TMTC4: variants seen among roughly 807,000 people sequenced by gnomAD.
TMTC4 encodes the protein transmembrane O-mannosyltransferase targeting cadherins 4, also known as protein O-mannosyl-transferase TMTC4.
A neutral mutation model predicts 86.0 loss-of-function variants in TMTC4; 65 were observed. That is an observed-to-expected ratio of 0.76 (90% CI 0.62 to 0.93). The LOEUF (loss-of-function observed/expected upper bound fraction) is 0.93, where lower values mean the gene tolerates loss of function less well. Ranked by LOEUF, TMTC4 falls within the 40% of genes least tolerant of loss-of-function variation. TMTC4 has a pLI of 0.00. For missense variants in TMTC4, 866 were observed against 948.1 expected, an observed-to-expected ratio of 0.91 and a Z score of 1.14; for synonymous variants, 379 against 382.5, an observed-to-expected ratio of 0.99 and a Z score of 0.11.
intron 7 of TMTC4, 45 bp from the exon 8 acceptor site, chr13:100,638,067 G>C (rs764683675): frequency 6.7e-7 from 1 of 1,485,070 alleles, no homozygotes; most frequent in Non-Finnish European, 9.4e-7. Context: ...GAGCTTGGCT[G>C]TGTTAGGCAG....
chr13:100,608,531 C>T (rs1594219407), intron 17 of TMTC4, among the ~76,000 whole-genome samples: 1 of 152,260 alleles, frequency 6.6e-6, no homozygotes, highest in East Asian at 1.9e-4. Context: ...GGTGGGTCGG[C>T]CTGGCTCTAT....
At chr13:100,627,564 C>T (rs1410027669) in intron 12 of TMTC4, among the ~76,000 whole-genome samples, 1 of 152,148 alleles carries the variant, frequency 6.6e-6, no homozygotes. Context: ...TCTTGTCTGT[C>T]TCCCTGTCTC....
At chr13:100,674,707 G>A in intron 1 of TMTC4, 37 bp downstream of exon 1, 1 of 983,420 alleles carries the variant, frequency 1.0e-6, no homozygotes, top group Non-Finnish European at 1.2e-6. Flanking sequence ...TCGCCCCGCG[G>A]CGCGCTCGGC....
chr13:100,634,760 A>G (rs746547537), intron 12 of TMTC4, 45 bp downstream of exon 12: 2 of 1,586,284 alleles, frequency 1.3e-6, no homozygotes, highest in Admixed American at 3.6e-5. Context: ...AACTTAACAG[A>G]TACCCTAGTA....
At chr13:100,665,457 T>C (rs1180818040) in intron 3 of TMTC4, among the ~76,000 whole-genome samples, 2 of 152,162 alleles carry the variant, frequency 1.3e-5, no homozygotes, top group African/African-American at 2.4e-5. Context: ...TCACAGACCC[T>C]CCTGTGGCCT....
At chr13:100,632,176 G>A (rs957815425) in intron 12 of TMTC4, among the ~76,000 whole-genome samples, 2 of 151,482 alleles carry the variant, frequency 1.3e-5, no homozygotes, top group African/African-American at 4.9e-5. Flanking sequence ...TCACTTCCCG[G>A]GCAGATTTTT....
chr13:100,626,484 A>G (rs779068224), intron 12 of TMTC4, among the ~76,000 whole-genome samples: 1 of 152,132 alleles, frequency 6.6e-6, no homozygotes, highest in Non-Finnish European at 1.5e-5. Context: ...GGGTCTTGCT[A>G]TGTTGCCCAG....
At chr13:100,641,153 T>A (rs1367515107) in intron 7 of TMTC4, among the ~76,000 whole-genome samples, 1 of 152,096 alleles carries the variant, frequency 6.6e-6, no homozygotes, top group Non-Finnish European at 1.5e-5. Flanking sequence ...ACAGAGAGAC[T>A]TCAAGGCTCG....
intron 6 of TMTC4, among the ~76,000 whole-genome samples, chr13:100,651,222 TGGCTATTCTA>T (rs1884392905): frequency 1.3e-5 from 2 of 152,218 alleles, no homozygotes; most frequent in Admixed American, 6.5e-5. Context: ...GAAATTGTTT[TGGCTATTCTA>T]GCAAGTTTAA....
chr13:100,650,585 G>C (rs1323038970), intron 6 of TMTC4, among the ~76,000 whole-genome samples: 1 of 152,236 alleles, frequency 6.6e-6, no homozygotes, highest in Non-Finnish European at 1.5e-5. Flanking sequence ...CTCTCTGCCA[G>C]AGCAACACAA....
intron 16 of TMTC4, 148 bp from the exon 17 acceptor site, chr13:100,612,658 C>CAG: frequency 2.0e-5 from 2 of 97,660 alleles, no homozygotes; most frequent in South Asian, 2.3e-4. Flanking sequence ...ATGTAATACA[C>CAG]ACACACACAC....
intron 12 of TMTC4, among the ~76,000 whole-genome samples, chr13:100,627,410 C>T (rs1160391566): frequency 3.3e-5 from 5 of 152,178 alleles, no homozygotes; most frequent in Admixed American, 6.5e-5. Flanking sequence ...GCTGAGATCA[C>T]GGTGTGGGCA....
At chr13:100,643,384 A>C (rs543267697) in intron 6 of TMTC4, among the ~76,000 whole-genome samples, 2 of 152,324 alleles carry the variant, frequency 1.3e-5, no homozygotes, top group South Asian at 4.1e-4. Context: ...CGTGACACTG[A>C]GCAAGTGACT....
At chr13:100,674,323 G>C (rs1165229336) in intron 1 of TMTC4, 1 of 978,484 alleles carries the variant, frequency 1.0e-6, no homozygotes, top group Non-Finnish European at 1.2e-6. Flanking sequence ...CTGCGCCGCG[G>C]CCAGCTGGCG....
At chr13:100,654,608 A>C (rs1025465831) in intron 6 of TMTC4, among the ~76,000 whole-genome samples, 4 of 152,112 alleles carry the variant, frequency 2.6e-5, no homozygotes, top group African/African-American at 9.7e-5. Flanking sequence ...TTAATATACA[A>C]ATTTGTGAAT....
intron 6 of TMTC4, 137 bp downstream of exon 6, chr13:100,656,244 T>C: frequency 1.6e-6 from 1 of 639,078 alleles, no homozygotes; most frequent in Admixed American, 3.4e-5. Flanking sequence ...TAAAGAGAGT[T>C]TATGCATCCT....
chr13:100,658,353 T>G (rs1044630455), intron 5 of TMTC4, among the ~76,000 whole-genome samples: 2 of 152,052 alleles, frequency 1.3e-5, no homozygotes, highest in South Asian at 2.1e-4. Flanking sequence ...AGCTGGTGCA[T>G]CCTGGCTTTG....
chr13:100,652,975 C>G (rs1005225469), intron 6 of TMTC4, among the ~76,000 whole-genome samples: 1 of 152,132 alleles, frequency 6.6e-6, no homozygotes. Flanking sequence ...AATCAATAAG[C>G]CTTTATACTA....
chr13:100,611,236 C>T (rs972695275), intron 17 of TMTC4, among the ~76,000 whole-genome samples: 6 of 152,148 alleles, frequency 3.9e-5, no homozygotes, highest in South Asian at 2.1e-4. Context: ...TCTTAAGAAA[C>T]GACTAAGGCA....
Sources: gnomAD v4.1 joint callset for allele counts (sites outside exome capture counted in the v4.1 genomes callset) on GRCh38, gnomAD v4.1.1 for gene constraint, MANE v1.5 for transcripts, NCBI Gene and HGNC (gene_info 2026-07-23, HGNC 2026-07-21) for gene names.